Variants in COL4A3 observed in about 807,000 individuals in gnomAD.
COL4A3 encodes the protein collagen alpha-3(IV) chain.
In COL4A3, 135 loss-of-function variants were observed where a neutral mutation model predicts 217.4. The observed-to-expected ratio is 0.62, with a 90% CI of 0.54 to 0.72. The LOEUF (loss-of-function observed/expected upper bound fraction) is 0.72. Ranked by LOEUF, COL4A3 falls within the 30% of genes least tolerant of loss-of-function variation. The pLI, the probability that COL4A3 is intolerant of heterozygous loss-of-function variation, is 0.00. For missense variants in COL4A3, 1,868 were observed against 2,119.9 expected, an observed-to-expected ratio of 0.88 and a Z score of 2.33; for synonymous variants, 690 against 736.3, an observed-to-expected ratio of 0.94 and a Z score of 1.02.
intron 9 of COL4A3, among the ~76,000 whole-genome samples, chr2:227,248,878 T>G (rs1012252802): frequency 7.9e-5 from 12 of 152,160 alleles, no homozygotes; most frequent in African/African-American, 2.9e-4. Flanking sequence ...ACATTGAGTA[T>G]CATTTAAATC....
chr2:227,295,807 G>C (rs1316368061), intron 41 of COL4A3, among the ~76,000 whole-genome samples: 1 of 152,108 alleles, frequency 6.6e-6, no homozygotes, highest in Admixed American at 6.6e-5. Context: ...TCTCAGACAT[G>C]GCAGTTTACT....
chr2:227,257,667 T>A, intron 18 of COL4A3, 23 bp downstream of exon 18: 1 of 1,607,588 alleles, frequency 6.2e-7, no homozygotes, highest in East Asian at 2.2e-5. Flanking sequence ...AAAGACAATA[T>A]CAATGCTATG....
chr2:227,211,131 G>T (rs950442376), intron 1 of COL4A3, among the ~76,000 whole-genome samples: 1 of 150,594 alleles, frequency 6.6e-6, no homozygotes. Context: ...CTCCTGAGTA[G>T]CTGGGACTAC....
intron 34 of COL4A3, among the ~76,000 whole-genome samples, chr2:227,288,027 G>A (rs1475656278): frequency 6.6e-6 from 1 of 152,212 alleles, no homozygotes; most frequent in African/African-American, 2.4e-5. Context: ...GCTATAGACA[G>A]ATTGCAGAAT....
At position 227,245,760 on chromosome 2, in the gene COL4A3, A is replaced by C. The variant is rs2069297541; in HGVS notation, c.325-194A>C. 2.0e-5 allele frequency: 13 copies of C among 642,442 alleles called. 1 individual carries two copies. In the South Asian group the frequency reaches 2.3e-4, roughly 11 times the overall value. 39.8% of individuals were successfully genotyped at this position (642,442 alleles called of 1,614,324 possible). ...TGAAATATCCACATCTCATTTGATA[A>C]GTCTTCATATCAGTCAGCCTGTTTA... On this transcript the variant is annotated intron_variant, in intron 5 of 51. Transcript: ENST00000396578.
rs369181564 is a variant in COL4A3 at position 227,202,943 on chromosome 2, G to A, written c.88-35025G>A. ...TATATGTGTATATATGTGTATATAT[G>A]TGTATATATACATATATGTGTATAT... On this transcript the variant is annotated intron_variant, in intron 1 of 51. Coordinates refer to ENST00000396578, the MANE Select transcript of COL4A3 (RefSeq NM_000091.5). 8.3e-4 allele frequency among the ~76,000 whole-genome samples: 20 copies of A among 24,098 alleles called. 3 individuals carry two copies. Among genetic ancestry groups the A allele is most frequent in the Non-Finnish European group, 1.2e-3 (18 of 14,726 alleles). The allele number at this position is 24,098 out of a possible 152,430, so 15.8% of individuals were successfully genotyped here. A position where few individuals can be genotyped will look rare whatever the true frequency, so the allele number is the denominator to read the frequency against.
intron 1 of COL4A3, among the ~76,000 whole-genome samples, chr2:227,202,143 G>A (rs1371985652): frequency 6.6e-6 from 1 of 152,148 alleles, no homozygotes; most frequent in Non-Finnish European, 1.5e-5. Flanking sequence ...GGGTTCATTA[G>A]AACTTGATGT....
At chr2:227,244,693 G>A (rs1316596561) in intron 4 of COL4A3, 3 of 649,334 alleles carry the variant, frequency 4.6e-6, no homozygotes, top group Non-Finnish European at 8.2e-6. Flanking sequence ...GCACTTCATT[G>A]CATGCAAATT....
chr2:227,183,319 C>T (rs1177998984), intron 1 of COL4A3, among the ~76,000 whole-genome samples: 1 of 152,016 alleles, frequency 6.6e-6, no homozygotes, highest in Non-Finnish European at 1.5e-5. Flanking sequence ...GAGGAACAAG[C>T]TATGAGTTAG....
chr2:227,174,695 C>T (rs754313273), intron 1 of COL4A3, among the ~76,000 whole-genome samples: 10 of 152,188 alleles, frequency 6.6e-5, no homozygotes, highest in South Asian at 4.2e-4. Context: ...TTAGAAGAGA[C>T]GGGGTCTCAC....
chr2:227,165,265 G>A (rs954779408), intron 1 of COL4A3, among the ~76,000 whole-genome samples: 1 of 152,100 alleles, frequency 6.6e-6, no homozygotes, highest in African/African-American at 2.4e-5. Flanking sequence ...CTTCCTAGCT[G>A]GGACGTCACA....
At chr2:227,256,465 C>A in intron 17 of COL4A3, 69 bp downstream of exon 17, 1 of 1,225,490 alleles carries the variant, frequency 8.2e-7, no homozygotes, top group Non-Finnish European at 1.2e-6. Context: ...TTACCTCCAA[C>A]CCTGGACCTA....
At chr2:227,281,627 C>T (rs2071971640) in intron 31 of COL4A3, 1 of 152,616 alleles carries the variant, frequency 6.6e-6, no homozygotes, top group Non-Finnish European at 1.5e-5. Context: ...CTTATATGTT[C>T]ACAAATAAAT....
chr2:227,266,581 C>T, intron 22 of COL4A3, 72 bp downstream of exon 22: 1 of 1,209,288 alleles, frequency 8.3e-7, no homozygotes, highest in Non-Finnish European at 1.2e-6. Context: ...ATTTTTCCCC[C>T]TGAGATAACA....
At chr2:227,213,070 C>G (rs1271647682) in intron 1 of COL4A3, among the ~76,000 whole-genome samples, 1 of 152,202 alleles carries the variant, frequency 6.6e-6, no homozygotes, top group Non-Finnish European at 1.5e-5. Flanking sequence ...AACATAATAG[C>G]TACTTCCTTT....
At chr2:227,230,062 A>AAG (rs1559847651) in intron 1 of COL4A3, among the ~76,000 whole-genome samples, 1 of 147,296 alleles carries the variant, frequency 6.8e-6, no homozygotes. Context: ...AAAAAAAAAA[A>AAG]AAAAGAAATT....
intron 1 of COL4A3, among the ~76,000 whole-genome samples, chr2:227,173,804 CT>C (rs1287943595): frequency 6.6e-6 from 1 of 152,262 alleles, no homozygotes; most frequent in Non-Finnish European, 1.5e-5. Flanking sequence ...ATTTTACAGA[CT>C]TTTTTTCCTA....
chr2:227,277,829 G>A (rs1001844885), intron 28 of COL4A3, among the ~76,000 whole-genome samples: 9 of 152,044 alleles, frequency 5.9e-5, no homozygotes, highest in Admixed American at 3.3e-4. Flanking sequence ...GTGAAACCCC[G>A]TCTCTATTAA....
At chr2:227,307,450 C>T (rs772220030) in intron 47 of COL4A3, among the ~76,000 whole-genome samples, 2 of 152,124 alleles carry the variant, frequency 1.3e-5, no homozygotes, top group African/African-American at 4.8e-5. Flanking sequence ...TGTGCCAGGC[C>T]TCACAGAGGA....
Sources: allele counts gnomAD v4.1 joint callset (sites outside exome capture counted in the v4.1 genomes callset), GRCh38; gene constraint gnomAD v4.1.1; transcripts MANE v1.5; gene names NCBI Gene and HGNC (gene_info 2026-07-23, HGNC 2026-07-21).